Variants in SLIT3 observed in about 807,000 individuals in gnomAD.
The protein encoded by SLIT3 is slit guidance ligand 3, also known as slit homolog 3 protein.
A neutral mutation model predicts 184.0 loss-of-function variants in SLIT3; 68 were observed. The ratio of observed to expected loss-of-function variants is 0.37; its 90% CI spans 0.30 to 0.45. SLIT3 has a LOEUF of 0.45. SLIT3 is among the 20% of genes least tolerant of loss of function. The pLI, the probability that SLIT3 is intolerant of heterozygous loss-of-function variation, is 1.00. For missense variants in SLIT3, 1,707 were observed against 2,026.0 expected, an observed-to-expected ratio of 0.84 and a Z score of 3.02; for synonymous variants, 831 against 828.6, an observed-to-expected ratio of 1.00 and a Z score of -0.05.
intron 3 of SLIT3, among the ~76,000 whole-genome samples, chr5:169,242,403 C>T (rs1340875333): frequency 6.6e-6 from 1 of 152,190 alleles, no homozygotes; most frequent in Non-Finnish European, 1.5e-5. Context: ...ACCTTTCCTC[C>T]CGCCTCTGTA....
rs141968815 is a variant in SLIT3 at position 168,789,606 on chromosome 5, C to T, written c.1033G>A (p.Asp345Asn). 36 of 1,613,638 alleles carry T rather than the reference C, an allele frequency of 2.2e-5. No homozygotes were observed. The highest frequency in any genetic ancestry group is 2.6e-5 in the Non-Finnish European group (31 of 1,179,866). ...CCCTGGAAGGCATCTGGAGCAATAT[C>T]CGATATCTGATTCTTGCTGATGTCT... ...RIDISKNQIS[D>N]IAPDAFQGLK... The change falls in exon 11 of 36, where the codon GAT becomes AAT. Residue 345 changes from aspartate to asparagine, a missense_variant. Coordinates refer to ENST00000519560, the MANE Select transcript of SLIT3 (RefSeq NM_003062.4).
At chr5:169,209,369 C>G (rs1317897359) in intron 3 of SLIT3, among the ~76,000 whole-genome samples, 3 of 152,198 alleles carry the variant, frequency 2.0e-5, no homozygotes, top group Admixed American at 6.5e-5. Flanking sequence ...TAAATTAGTT[C>G]CACCATTGTG....
intron 1 of SLIT3, among the ~76,000 whole-genome samples, chr5:169,261,288 G>C (rs899437605): frequency 6.6e-6 from 1 of 150,410 alleles, no homozygotes; most frequent in Non-Finnish European, 1.5e-5. Flanking sequence ...GAATATTCAA[G>C]AGAGAGAAAA....
At chr5:168,933,956 T>C (rs1244218687) in intron 4 of SLIT3, among the ~76,000 whole-genome samples, 3 of 152,206 alleles carry the variant, frequency 2.0e-5, no homozygotes, top group Non-Finnish European at 4.4e-5. Flanking sequence ...CCAATACTTC[T>C]TGAGCAGGGT....
chr5:169,093,839 CATGGCCTTGAA>C (rs1272657414), intron 4 of SLIT3, among the ~76,000 whole-genome samples: 2 of 152,154 alleles, frequency 1.3e-5, no homozygotes, highest in African/African-American at 4.8e-5. Context: ...ATCTTATAAG[CATGGCCTTGAA>C]GAGGCCTTAT....
chr5:168,726,090 T>C (rs1311153282), intron 20 of SLIT3, among the ~76,000 whole-genome samples: 1 of 151,994 alleles, frequency 6.6e-6, no homozygotes. Context: ...CCAAGAGCTA[T>C]GCTAGATCCT....
intron 4 of SLIT3, among the ~76,000 whole-genome samples, chr5:169,110,474 C>A (rs1365336208): frequency 2.6e-5 from 4 of 152,096 alleles, no homozygotes; most frequent in African/African-American, 9.7e-5. Context: ...GCGCTGGTAA[C>A]TTTAGGTGTT....
At chr5:168,669,563 A>G (rs895309662) in intron 35 of SLIT3, among the ~76,000 whole-genome samples, 2 of 152,196 alleles carry the variant, frequency 1.3e-5, no homozygotes, top group Admixed American at 6.5e-5. Context: ...TTGAACTGCT[A>G]TGGTTTGGGG....
At chr5:169,236,487 T>G (rs934954458) in intron 3 of SLIT3, among the ~76,000 whole-genome samples, 225 of 152,106 alleles carry the variant, frequency 1.5e-3, no homozygotes, top group African/African-American at 4.5e-3. Flanking sequence ...TGTTTTTTTT[T>G]TTTTTGACTG....
At chr5:169,254,688 A>G (rs1765890273) in intron 1 of SLIT3, among the ~76,000 whole-genome samples, 1 of 152,176 alleles carries the variant, frequency 6.6e-6, no homozygotes, top group African/African-American at 2.4e-5. Flanking sequence ...TTGAGCTGCC[A>G]TATGAGAAAA....
chr5:169,003,800 T>C (rs776250353), intron 4 of SLIT3, among the ~76,000 whole-genome samples: 4 of 152,224 alleles, frequency 2.6e-5, no homozygotes, highest in South Asian at 2.1e-4. Flanking sequence ...ATTCCAAGCA[T>C]GAACTAATGT....
intron 4 of SLIT3, among the ~76,000 whole-genome samples, chr5:169,047,276 G>A (rs1391252624): frequency 2.6e-5 from 4 of 151,934 alleles, no homozygotes; most frequent in East Asian, 3.9e-4. Context: ...CTACCCTACC[G>A]CTTCAGCTAA....
intron 4 of SLIT3, among the ~76,000 whole-genome samples, chr5:169,025,884 C>T (rs758572274): frequency 2.0e-5 from 3 of 152,186 alleles, no homozygotes; most frequent in South Asian, 4.1e-4. Flanking sequence ...CCAGCCTGAA[C>T]TCTCCCCTAG....
chr5:168,697,897 C>T (rs890774051), intron 27 of SLIT3, among the ~76,000 whole-genome samples: 2 of 152,188 alleles, frequency 1.3e-5, no homozygotes, highest in African/African-American at 2.4e-5. Context: ...CTTTGGCTCC[C>T]CCAGAGCCTT....
chr5:169,296,035 G>C (rs761876827), intron 1 of SLIT3, among the ~76,000 whole-genome samples: 32 of 152,164 alleles, frequency 2.1e-4, no homozygotes, highest in Non-Finnish European at 3.8e-4. Flanking sequence ...TCACTCAACA[G>C]GAGTCCTTGG....
At chr5:169,103,268 T>A (rs1021588519) in intron 4 of SLIT3, among the ~76,000 whole-genome samples, 7 of 152,240 alleles carry the variant, frequency 4.6e-5, no homozygotes, top group Non-Finnish European at 8.8e-5. Context: ...GATTTTTATT[T>A]ACCCATCACA....
At chr5:169,171,142 G>A (rs1003620035) in intron 4 of SLIT3, among the ~76,000 whole-genome samples, 14 of 152,220 alleles carry the variant, frequency 9.2e-5, no homozygotes, top group Admixed American at 2.6e-4. Context: ...AGGAGAGATG[G>A]CTGCAGCATT....
At chr5:168,727,027 A>AG (rs1763154557) in intron 20 of SLIT3, among the ~76,000 whole-genome samples, 1 of 150,736 alleles carries the variant, frequency 6.6e-6, no homozygotes, top group African/African-American at 2.4e-5. Flanking sequence ...AAAAAAAAAA[A>AG]GAAATATGCT....
intron 31 of SLIT3, 135 bp from the exon 32 acceptor site, chr5:168,684,231 C>T: frequency 2.2e-6 from 2 of 929,258 alleles, no homozygotes; most frequent in South Asian, 4.7e-5. Context: ...ATCTTTCCTC[C>T]TCCATCTAGT....
Sources: allele counts gnomAD v4.1 joint callset (sites outside exome capture counted in the v4.1 genomes callset), GRCh38; gene constraint gnomAD v4.1.1; transcripts MANE v1.5; gene names NCBI Gene and HGNC (gene_info 2026-07-23, HGNC 2026-07-21).